PRTFDC1: variants seen among roughly 807,000 people sequenced by gnomAD.
PRTFDC1 encodes phosphoribosyltransferase domain-containing protein 1.
In PRTFDC1, 38 loss-of-function variants were observed where a neutral mutation model predicts 34.6. The observed-to-expected ratio is 1.10, with a 90% CI of 0.85 to 1.44. The LOEUF is 1.44. Ranked by LOEUF, PRTFDC1 falls within the 40% of genes most tolerant of loss-of-function variation. The pLI is 0.00. For missense variants in PRTFDC1, 270 were observed against 283.0 expected (o/e 0.95, Z 0.33); for synonymous variants, 93 against 98.1 (o/e 0.95, Z 0.31).
At chr10:24,900,766 GTTTA>G (rs1848436766) in intron 3 of PRTFDC1, among the ~76,000 whole-genome samples, 2 of 152,076 alleles carry the variant, frequency 1.3e-5, no homozygotes, top group Non-Finnish European at 2.9e-5. Context: ...TTTTGTACAT[GTTTA>G]TATTTAGAAT....
chr10:24,870,817 G>A (rs1847856404), intron 4 of PRTFDC1, among the ~76,000 whole-genome samples: 1 of 151,998 alleles, frequency 6.6e-6, no homozygotes, highest in Non-Finnish European at 1.5e-5. Context: ...CAGAGTCCTT[G>A]TGGCTCCACT....
chr10:24,882,283 C>T (rs1226390441), intron 3 of PRTFDC1, among the ~76,000 whole-genome samples: 5 of 152,032 alleles, frequency 3.3e-5, no homozygotes, highest in Middle Eastern at 3.4e-3. Context: ...CCTGGACTCC[C>T]CCTGGCTTCC....
intron 4 of PRTFDC1, among the ~76,000 whole-genome samples, chr10:24,871,359 C>A (rs983388011): frequency 1.3e-5 from 2 of 152,164 alleles, no homozygotes; most frequent in African/African-American, 4.8e-5. Context: ...ATTCCACGAA[C>A]ATCATCTTCG....
chr10:24,932,463 T>C (rs1424290666), intron 3 of PRTFDC1, among the ~76,000 whole-genome samples: 1 of 151,996 alleles, frequency 6.6e-6, no homozygotes, highest in African/African-American at 2.4e-5. Flanking sequence ...GTCATAGGAT[T>C]CAATATACAA....
chr10:24,940,396 T>A (rs1446549960), intron 2 of PRTFDC1, among the ~76,000 whole-genome samples: 1 of 152,182 alleles, frequency 6.6e-6, no homozygotes, highest in Non-Finnish European at 1.5e-5. Context: ...AACAATTGAA[T>A]TTAAAAATTG....
chr10:24,922,817 G>A (rs1056466652), intron 3 of PRTFDC1, among the ~76,000 whole-genome samples: 1 of 152,172 alleles, frequency 6.6e-6, no homozygotes, highest in Non-Finnish European at 1.5e-5. Flanking sequence ...CGGCCCATAG[G>A]GGGCAAGCCG....
chr10:24,929,049 A>AAAAG (rs1848929023), intron 3 of PRTFDC1, among the ~76,000 whole-genome samples: 1 of 119,912 alleles, frequency 8.3e-6, no homozygotes, highest in Non-Finnish European at 1.8e-5. Context: ...TCAAAAAAAA[A>AAAAG]AAAAAAGAAA....
chr10:24,874,650 A>G (rs574034425), intron 3 of PRTFDC1, among the ~76,000 whole-genome samples: 4 of 152,378 alleles, frequency 2.6e-5, no homozygotes, highest in African/African-American at 9.6e-5. Context: ...TAACTAAATA[A>G]TGTGCTAAAA....
intron 3 of PRTFDC1, among the ~76,000 whole-genome samples, chr10:24,897,748 C>T (rs61854294): frequency 0.1 from 15,847 of 152,026 alleles, 1,119 homozygotes; most frequent in East Asian, 0.29. Flanking sequence ...GTGGCAACAA[C>T]GTGAAAAAAT....
At chr10:24,946,062 T>C (rs181926921) in intron 1 of PRTFDC1, among the ~76,000 whole-genome samples, 2 of 152,246 alleles carry the variant, frequency 1.3e-5, no homozygotes, top group Non-Finnish European at 2.9e-5. Context: ...CCAGACCACA[T>C]GTACTATCTA....
intron 3 of PRTFDC1, among the ~76,000 whole-genome samples, chr10:24,881,208 A>T (rs916308415): frequency 1.3e-5 from 2 of 150,344 alleles, no homozygotes; most frequent in Admixed American, 6.7e-5. Context: ...CTGGGACTAC[A>T]GATGTGCACC....
chr10:24,869,039 A>G (rs926459131), intron 4 of PRTFDC1, among the ~76,000 whole-genome samples: 1 of 152,116 alleles, frequency 6.6e-6, no homozygotes, highest in Non-Finnish European at 1.5e-5. Flanking sequence ...ATGTGTTGGG[A>G]ACATTTCAAG....
At chr10:24,867,362 G>T (rs987862766) in intron 4 of PRTFDC1, among the ~76,000 whole-genome samples, 1 of 152,158 alleles carries the variant, frequency 6.6e-6, no homozygotes, top group South Asian at 2.1e-4. Flanking sequence ...CGCCTACCCC[G>T]CCTCCAAACT....
rs772764454 is a variant in PRTFDC1 at position 24,849,838 on chromosome 10, A to G, written c.*6T>C. 80 of 1,613,570 alleles carry G rather than the reference A, an allele frequency of 5.0e-5. No homozygotes were observed. Among genetic ancestry groups the G allele is most frequent in the South Asian group, 6.6e-5 (6 of 91,070 alleles). ...TCTGGGACTTTAGTGGTGAGAATTC[A>G]TGTCTTTAGACTCGATATTTTTCTT... On this transcript the variant is annotated 3_prime_UTR_variant, in exon 9 of 9. Coordinates refer to ENST00000320152, the MANE Select transcript of PRTFDC1 (RefSeq NM_020200.7).
chr10:24,910,607 T>A (rs1200709556), intron 3 of PRTFDC1, among the ~76,000 whole-genome samples: 1 of 152,188 alleles, frequency 6.6e-6, no homozygotes, highest in East Asian at 1.9e-4. Flanking sequence ...TAGATCCATC[T>A]AGCTTTAATA....
rs551162060 is a variant in PRTFDC1, at chr10:24,891,501, G to C, written c.340-19438C>G. Among the ~76,000 whole-genome samples the C allele has an allele frequency of 5.3e-5, 8 of 152,158 alleles. No homozygotes were observed. The South Asian group carries it at 1.7e-3, about 32-fold the overall frequency. ...ATCCTCTTTCCTTAAAAATAAAAAAGACAGGCTCAGGCTGGGTGCAGTGGC... is the reference window on the plus strand; with the variant it reads ...ATCCTCTTTCCTTAAAAATAAAAAACACAGGCTCAGGCTGGGTGCAGTGGC... On this transcript the variant is annotated intron_variant, in intron 3 of 8. Transcript: ENST00000320152.
At chr10:24,850,457 C>A (rs1375003469) in intron 8 of PRTFDC1, among the ~76,000 whole-genome samples, 1 of 152,032 alleles carries the variant, frequency 6.6e-6, no homozygotes, top group African/African-American at 2.4e-5. Flanking sequence ...CATACGAAGA[C>A]CCCATCTCTA....
At chr10:24,888,401 T>C (rs1848205738) in intron 3 of PRTFDC1, among the ~76,000 whole-genome samples, 1 of 152,224 alleles carries the variant, frequency 6.6e-6, no homozygotes, top group Admixed American at 6.5e-5. Flanking sequence ...GAGGTTTAAT[T>C]TAAATGTCAT....
chr10:24,876,539 C>A (rs1320122568), intron 3 of PRTFDC1, among the ~76,000 whole-genome samples: 1 of 151,674 alleles, frequency 6.6e-6, no homozygotes, highest in Non-Finnish European at 1.5e-5. Context: ...ACTAAAAATA[C>A]AAAAATTAGC....
Sources: allele counts gnomAD v4.1 joint callset (sites outside exome capture counted in the v4.1 genomes callset), GRCh38; gene constraint gnomAD v4.1.1; transcripts MANE v1.5; gene names NCBI Gene and HGNC (gene_info 2026-07-23, HGNC 2026-07-21).